The following RALGPS1 variants were observed in gnomAD, a reference collection of about 807,000 sequenced individuals.
RALGPS1 encodes the protein ras-specific guanine nucleotide-releasing factor RalGPS1.
Under a neutral mutation model 78.8 loss-of-function variants are expected in RALGPS1, and 19 were observed. The ratio of observed to expected loss-of-function variants is 0.24; its 90% CI spans 0.17 to 0.35. The LOEUF (loss-of-function observed/expected upper bound fraction) is 0.35. Among genes scored for constraint, RALGPS1 ranks in the 10% least tolerant of loss-of-function variants. The pLI, the probability that RALGPS1 is intolerant of heterozygous loss-of-function variation, is 1.00. For synonymous variants in RALGPS1, 228 were observed against 256.3 expected (o/e 0.89, Z 1.06); for missense variants, 454 against 688.3 (o/e 0.66, Z 3.81).
At chr9:127,051,151 A>G (rs945589332) in intron 6 of RALGPS1, among the ~76,000 whole-genome samples, 3 of 152,184 alleles carry the variant, frequency 2.0e-5, no homozygotes, top group Non-Finnish European at 4.4e-5. Context: ...TTTACTTCCT[A>G]TGCATTCTCC....
chr9:127,154,498 C>T (rs1399495391), intron 8 of RALGPS1, among the ~76,000 whole-genome samples: 1 of 152,208 alleles, frequency 6.6e-6, no homozygotes, highest in Non-Finnish European at 1.5e-5. Context: ...CCAGAGGGCC[C>T]AAGGAACCTC....
At chr9:126,966,923 G>T (rs958389137) in intron 3 of RALGPS1, among the ~76,000 whole-genome samples, 15 of 152,144 alleles carry the variant, frequency 9.9e-5, no homozygotes, top group African/African-American at 3.6e-4. Flanking sequence ...AGTAGAGGGA[G>T]AATATTGATT....
In RALGPS1 at chr9:127,029,978, A is replaced by G. The variant is rs528016318; in HGVS notation, c.217-4453A>G. Reference sequence around the variant, plus strand: ...AGGAATGCTTACAGGTGGGGGTATTAAGACTAAGTTTTTTTGCACAGTTAG... The same window carrying G: ...AGGAATGCTTACAGGTGGGGGTATTGAGACTAAGTTTTTTTGCACAGTTAG... On this transcript the variant is annotated intron_variant, in intron 4 of 18. Transcript: ENST00000259351. Among the ~76,000 whole-genome samples, 37 of 152,342 alleles carry G rather than the reference A, an allele frequency of 2.4e-4. 3 individuals are homozygous for G. The South Asian group carries it at 5.6e-3, about 23-fold the overall frequency.
Position 126,949,658 on chromosome 9 carries a change from T to G in RALGPS1, c.-65-12567T>G, listed in dbSNP as rs1841332890. On this transcript the variant is annotated intron_variant, in intron 1 of 18. Coordinates refer to ENST00000259351, the MANE Select transcript of RALGPS1 (RefSeq NM_014636.3). ...ATCCTTTGCCCACTTTTTGATGGGG[T>G]TGTTTGTTTTTTTCGTGTAAATTTG... 2.4e-5 allele frequency among the ~76,000 whole-genome samples: 3 copies of G among 126,004 alleles called. No homozygotes were observed. In the South Asian group the frequency reaches 7.0e-4, roughly 29 times the overall value. 82.7% of individuals were successfully genotyped at this position (126,004 alleles called of 152,430 possible).
chr9:126,967,945 T>C (rs1399734803), intron 3 of RALGPS1, among the ~76,000 whole-genome samples: 1 of 152,052 alleles, frequency 6.6e-6, no homozygotes, highest in East Asian at 1.9e-4. Context: ...GTGCCCAAAA[T>C]ATACCTGGCT....
rs115974533 is a variant in RALGPS1 at position 126,959,665 on chromosome 9, C to T, written c.-65-2560C>T. Among the ~76,000 whole-genome samples, 402 of 151,498 alleles carry T rather than the reference C, an allele frequency of 2.7e-3. 1 individual carries two copies. The highest frequency in any genetic ancestry group is 9.5e-3 in the African/African-American group (391 of 41,228). On this transcript the variant is annotated intron_variant, in intron 1 of 18. Transcript: ENST00000259351. Reference sequence around the variant, plus strand: ...AAAGTGCAGAGACTGGTACAATGAACTCCTCTATACCCTCTTGACTAGATT... The same window carrying T: ...AAAGTGCAGAGACTGGTACAATGAATTCCTCTATACCCTCTTGACTAGATT...
At chr9:127,210,693 A>G (rs2062199428) in intron 14 of RALGPS1, 1 of 1,549,588 alleles carries the variant, frequency 6.5e-7, no homozygotes, top group Non-Finnish European at 8.7e-7. Flanking sequence ...TTTCCTCTGA[A>G]GCAGGGGACG....
chr9:127,112,976 G>C (rs10760476), intron 8 of RALGPS1, among the ~76,000 whole-genome samples: 26,754 of 152,160 alleles, frequency 0.18, 3,152 homozygotes, highest in East Asian at 0.45. Context: ...AAAAGGTGTA[G>C]GGGTAGCTGA....
chr9:127,129,964 G>A (rs1225877291), intron 8 of RALGPS1, among the ~76,000 whole-genome samples: 2 of 152,196 alleles, frequency 1.3e-5, no homozygotes, highest in Non-Finnish European at 2.9e-5. Context: ...TGACCTGTGG[G>A]GATTGCCTCT....
chr9:126,971,945 G>A (rs2040161048), intron 3 of RALGPS1, among the ~76,000 whole-genome samples: 1 of 152,214 alleles, frequency 6.6e-6, no homozygotes, highest in South Asian at 2.1e-4. Context: ...ATACAGAAGA[G>A]GTTAAGTAAG....
chr9:126,941,438 C>T (rs1230289962), intron 1 of RALGPS1, among the ~76,000 whole-genome samples: 1 of 152,028 alleles, frequency 6.6e-6, no homozygotes, highest in Non-Finnish European at 1.5e-5. Context: ...AATATATGCA[C>T]CTGCTGTGTA....
chr9:127,181,509 T>C (rs138095366), intron 11 of RALGPS1, among the ~76,000 whole-genome samples: 375 of 152,368 alleles, frequency 2.5e-3, no homozygotes, highest in Middle Eastern at 0.017. Context: ...TATATCCGTA[T>C]AGTGCAAGTA....
chr9:126,996,200 A>G (rs2042732942), intron 4 of RALGPS1, among the ~76,000 whole-genome samples: 1 of 152,240 alleles, frequency 6.6e-6, no homozygotes, highest in South Asian at 2.1e-4. Context: ...ACTGAAGGAA[A>G]TAGAGACACA....
intron 8 of RALGPS1, among the ~76,000 whole-genome samples, chr9:127,107,263 A>G (rs916321837): frequency 6.6e-6 from 1 of 152,242 alleles, no homozygotes; most frequent in Non-Finnish European, 1.5e-5. Context: ...CGGTGCCAGT[A>G]TCTTGGTTAA....
chr9:126,954,334 C>T (rs191440887), intron 1 of RALGPS1, among the ~76,000 whole-genome samples: 1 of 152,336 alleles, frequency 6.6e-6, no homozygotes, highest in East Asian at 1.9e-4. Context: ...CAGAACATCT[C>T]CTGGATCCAT....
chr9:127,096,114 T>A (rs2053103943), intron 8 of RALGPS1, among the ~76,000 whole-genome samples: 2 of 152,224 alleles, frequency 1.3e-5, no homozygotes, highest in African/African-American at 4.8e-5. Flanking sequence ...CACAAGCAGC[T>A]GCTTCCTTTG....
At chr9:126,997,075 C>G (rs1050605146) in intron 4 of RALGPS1, among the ~76,000 whole-genome samples, 46 of 152,162 alleles carry the variant, frequency 3.0e-4, no homozygotes, top group Non-Finnish European at 1.0e-4. Flanking sequence ...CAGCCAATAT[C>G]ATACTGAATG....
chr9:127,034,808 C>T (rs1166862822), intron 5 of RALGPS1, among the ~76,000 whole-genome samples: 1 of 152,170 alleles, frequency 6.6e-6, no homozygotes, highest in African/African-American at 2.4e-5. Context: ...TGGTGGATCT[C>T]GCTTCTGTCC....
chr9:127,038,142 T>C (rs975915756), intron 5 of RALGPS1, among the ~76,000 whole-genome samples: 1 of 152,242 alleles, frequency 6.6e-6, no homozygotes, highest in African/African-American at 2.4e-5. Context: ...CCCATGCTCA[T>C]GAGCCTAGTG....
Sources: gnomAD v4.1 joint callset for allele counts (sites outside exome capture counted in the v4.1 genomes callset) on GRCh38, gnomAD v4.1.1 for gene constraint, MANE v1.5 for transcripts, NCBI Gene and HGNC (gene_info 2026-07-23, HGNC 2026-07-21) for gene names.